The following PTPRG variants were observed in gnomAD, a reference collection of about 807,000 sequenced individuals.
PTPRG encodes the protein receptor-type tyrosine-protein phosphatase gamma.
A neutral mutation model predicts 165.3 loss-of-function variants in PTPRG; 102 were observed. That is an observed-to-expected ratio of 0.62 (90% confidence interval 0.53 to 0.73). The LOEUF (loss-of-function observed/expected upper bound fraction) is 0.73, where lower values mean the gene tolerates loss of function less well. Among genes scored for constraint, PTPRG ranks in the 30% least tolerant of loss-of-function variants. The pLI, the probability that PTPRG is intolerant of heterozygous loss-of-function variation, is 0.00. For missense variants in PTPRG, 1,866 were observed against 1,861.4 expected (o/e 1.00, Z -0.05); for synonymous variants, 675 against 669.5 (o/e 1.01, Z -0.13).
intron 2 of PTPRG, among the ~76,000 whole-genome samples, chr3:61,761,552 T>G (rs2033834460): frequency 6.6e-6 from 1 of 152,082 alleles, no homozygotes. Flanking sequence ...CACTCCAGCC[T>G]GGGCAACAGA....
In PTPRG at chr3:61,651,791, C is replaced by G. The variant is rs563623813; in HGVS notation, c.85+89419C>G. On this transcript the variant is annotated intron_variant, in intron 1 of 29. Coordinates refer to ENST00000474889, the MANE Select transcript of PTPRG (RefSeq NM_002841.4). ...TTGGGAGGCCGAGGTAGGTGGATCA[C>G]TTGAGGTCAGGAATTTAAGACCAGC... Among the ~76,000 whole-genome samples the G allele has an allele frequency of 2.5e-4, 38 of 152,274 alleles. No homozygotes were observed. The South Asian group carries it at 6.4e-3, about 26-fold the overall frequency.
chr3:61,709,397 G>C (rs72878430), intron 1 of PTPRG, among the ~76,000 whole-genome samples: 2,158 of 152,012 alleles, frequency 0.014, 52 homozygotes, highest in African/African-American at 0.048. Flanking sequence ...TTACTGCAAC[G>C]TCCACCTCCT....
intron 2 of PTPRG, among the ~76,000 whole-genome samples, chr3:61,777,286 T>C (rs2034413774): frequency 6.6e-6 from 1 of 152,198 alleles, no homozygotes; most frequent in South Asian, 2.1e-4. Context: ...ACTTGAAATA[T>C]TGCCAGTATG....
chr3:62,078,267 A>C lies in PTPRG; in HGVS notation c.615+9A>C, dbSNP rs777753998. The C allele has an allele frequency of 3.9e-6, 6 of 1,551,250 alleles. No individual in the cohort carries two copies. The highest frequency in any genetic ancestry group is 5.3e-6 in the Non-Finnish European group (6 of 1,136,100). On this transcript the variant is annotated intron_variant, in intron 5 of 29. Transcript: ENST00000474889. ...TGGCCATATTTTTTCAAGTAAGTTA[A>C]CAGTGGCTGAAGTACTTCAAAGAAT...
intron 1 of PTPRG, among the ~76,000 whole-genome samples, chr3:61,738,322 A>G (rs6808162): frequency 0.43 from 19,235 of 44,860 alleles, 4,945 homozygotes; most frequent in Middle Eastern, 0.54. Context: ...ACATATATAT[A>G]TATATATATA....
intron 1 of PTPRG, among the ~76,000 whole-genome samples, chr3:61,734,358 C>T (rs1214651549): frequency 6.6e-6 from 1 of 152,146 alleles, no homozygotes; most frequent in Non-Finnish European, 1.5e-5. Flanking sequence ...GCAAGAAAAA[C>T]TGGAGGTTTC....
At chr3:61,786,858 AG>A (rs1362229231) in intron 2 of PTPRG, among the ~76,000 whole-genome samples, 1 of 152,212 alleles carries the variant, frequency 6.6e-6, no homozygotes, top group Non-Finnish European at 1.5e-5. Context: ...TGGAAATAGA[AG>A]CCTTACGCAC....
chr3:61,842,248 G>A (rs929097535), intron 2 of PTPRG, among the ~76,000 whole-genome samples: 15 of 152,118 alleles, frequency 9.9e-5, no homozygotes, highest in African/African-American at 3.1e-4. Context: ...TCACTCAGCA[G>A]CAATAACGTT....
chr3:61,699,017 C>T (rs768400317), intron 1 of PTPRG, among the ~76,000 whole-genome samples: 36 of 151,742 alleles, frequency 2.4e-4, no homozygotes, highest in Middle Eastern at 6.3e-3. Context: ...CCAGGGACTG[C>T]TGTGGGGTGG....
chr3:62,241,562 T>G (rs970343841), intron 14 of PTPRG, among the ~76,000 whole-genome samples: 3 of 152,128 alleles, frequency 2.0e-5, no homozygotes, highest in African/African-American at 7.2e-5. Flanking sequence ...TACACACTGC[T>G]TTTTTCAAAG....
intron 2 of PTPRG, among the ~76,000 whole-genome samples, chr3:61,863,166 G>A (rs1004338187): frequency 6.6e-6 from 1 of 152,202 alleles, no homozygotes; most frequent in Non-Finnish European, 1.5e-5. Context: ...TGGGCTGCCA[G>A]TGCTTAGGGC....
intron 1 of PTPRG, among the ~76,000 whole-genome samples, chr3:61,691,458 T>C (rs568001522): frequency 2.4e-4 from 36 of 152,318 alleles, no homozygotes; most frequent in African/African-American, 8.7e-4. Context: ...AGTGTGATCC[T>C]ATTTGTGCTT....
chr3:61,743,253 C>G (rs1559586744), intron 1 of PTPRG: 1 of 649,840 alleles, frequency 1.5e-6, no homozygotes, highest in Non-Finnish European at 2.8e-6. Flanking sequence ...ATACCTGTCA[C>G]TCATTCAGCT....
chr3:61,789,282 TG>T (rs2034802036), intron 2 of PTPRG, among the ~76,000 whole-genome samples: 1 of 152,090 alleles, frequency 6.6e-6, no homozygotes, highest in South Asian at 2.1e-4. Flanking sequence ...TAAAATTTTT[TG>T]TAGAGACGGG....
chr3:61,571,045 T>G (rs1427352651), intron 1 of PTPRG, among the ~76,000 whole-genome samples: 1 of 152,170 alleles, frequency 6.6e-6, no homozygotes, highest in Non-Finnish European at 1.5e-5. Context: ...AGCATTTACC[T>G]TGGGCAAATG....
At chr3:62,071,754 C>T (rs1220794030) in intron 4 of PTPRG, among the ~76,000 whole-genome samples, 1 of 152,006 alleles carries the variant, frequency 6.6e-6, no homozygotes, top group Non-Finnish European at 1.5e-5. Flanking sequence ...TTTTTCTGTC[C>T]CAACCCCACT....
At chr3:62,207,052 C>T (rs1700249790) in intron 12 of PTPRG, among the ~76,000 whole-genome samples, 1 of 151,138 alleles carries the variant, frequency 6.6e-6, no homozygotes, top group African/African-American at 2.4e-5. Context: ...TTGAAAATTT[C>T]AAGCAGTTCA....
At chr3:61,989,944 C>A in intron 3 of PTPRG, 140 bp downstream of exon 3, 5 of 859,264 alleles carry the variant, frequency 5.8e-6, no homozygotes, top group South Asian at 5.5e-5. Context: ...AGTTTCAGAA[C>A]AAGTTATGTA....
chr3:62,077,748 A>G (rs1262568429), intron 4 of PTPRG, among the ~76,000 whole-genome samples: 1 of 152,206 alleles, frequency 6.6e-6, no homozygotes, highest in Non-Finnish European at 1.5e-5. Flanking sequence ...TCATGCCTGT[A>G]ATCCCAGCAC....
Sources: gnomAD v4.1 joint callset for allele counts (sites outside exome capture counted in the v4.1 genomes callset) on GRCh38, gnomAD v4.1.1 for gene constraint, MANE v1.5 for transcripts, NCBI Gene and HGNC (gene_info 2026-07-23, HGNC 2026-07-21) for gene names.